Variants in PPP4R3B observed in about 807,000 individuals in gnomAD.
PPP4R3B encodes serine/threonine-protein phosphatase 4 regulatory subunit 3B.
Under a neutral mutation model 95.4 loss-of-function variants are expected in PPP4R3B, and 52 were observed. The observed-to-expected ratio is 0.54, with a 90% CI of 0.44 to 0.69. The LOEUF is 0.69. Among genes scored for constraint, PPP4R3B ranks in the 30% least tolerant of loss-of-function variants. The pLI is 0.00. For missense variants in PPP4R3B, 1,003 were observed against 1,005.9 expected (o/e 1.00, Z 0.04); for synonymous variants, 407 against 343.9 (o/e 1.18, Z -2.03).
chr2:55,563,616 C>T (rs1435322418), intron 15 of PPP4R3B, among the ~76,000 whole-genome samples: 1 of 152,118 alleles, frequency 6.6e-6, no homozygotes, highest in Non-Finnish European at 1.5e-5. Context: ...TCAAATGATC[C>T]ACCTGCCTCA....
chr2:55,601,433 T>G (rs1032170577), intron 3 of PPP4R3B, among the ~76,000 whole-genome samples: 1 of 151,016 alleles, frequency 6.6e-6, no homozygotes, highest in Non-Finnish European at 1.5e-5. Flanking sequence ...CAGGCTGGAG[T>G]GCAATGGCGC....
chr2:55,562,697 G>C (rs1216728774), intron 15 of PPP4R3B, among the ~76,000 whole-genome samples: 1 of 152,124 alleles, frequency 6.6e-6, no homozygotes, highest in Non-Finnish European at 1.5e-5. Flanking sequence ...TAGAATCTTA[G>C]AAATCTCAGT....
chr2:55,586,791 T>A (rs780034993), intron 5 of PPP4R3B, 57 bp from the exon 6 acceptor site: 14 of 1,014,194 alleles, frequency 1.4e-5, no homozygotes, highest in Non-Finnish European at 1.7e-5. Context: ...GGGCACACTA[T>A]AGTAATCATC....
At chr2:55,612,780 TA>T (rs1229802100) in intron 2 of PPP4R3B, among the ~76,000 whole-genome samples, 2 of 151,730 alleles carry the variant, frequency 1.3e-5, no homozygotes, top group South Asian at 2.1e-4. Flanking sequence ...CCATCTCTAC[TA>T]AAAAATACAA....
At chr2:55,612,754 C>A (rs1286503123) in intron 2 of PPP4R3B, among the ~76,000 whole-genome samples, 6 of 151,978 alleles carry the variant, frequency 3.9e-5, no homozygotes, top group African/African-American at 1.5e-4. Flanking sequence ...ACCATTCTGG[C>A]TAACACGGTG....
rs370441018 is a variant in PPP4R3B at position 55,607,825 on chromosome 2, C to G, written c.199-3749G>C. On this transcript the variant is annotated intron_variant, in intron 2 of 16. Coordinates refer to ENST00000616407, the MANE Select transcript of PPP4R3B (RefSeq NM_001122964.3). ...CTAGATCTATAGATAGTACTATCTA[C>G]AGTCAGGTCAATGGATATTACTAAC... Among the ~76,000 whole-genome samples the G allele has an allele frequency of 1.8e-4, 28 of 152,300 alleles. No individual in the cohort carries two copies. In the East Asian group the frequency reaches 3.1e-3, roughly 17 times the overall value.
At chr2:55,586,916 T>G (rs1300622201) in intron 5 of PPP4R3B, among the ~76,000 whole-genome samples, 182 bp from the exon 6 acceptor site, 1 of 152,176 alleles carries the variant, frequency 6.6e-6, no homozygotes, top group Non-Finnish European at 1.5e-5. Context: ...AAGTAAACCT[T>G]GCATTACTGG....
In PPP4R3B at chr2:55,617,337, C is replaced by A. The variant is rs1246540996; in HGVS notation, c.-52G>T. On this transcript the variant is annotated 5_prime_UTR_variant, in exon 1 of 17. Transcript: ENST00000616407. ...CCGCCGCCTCCTCGCTTACCTCGTCCGCGCTCCTCACTCTTAGGAGACGGT... is the reference window on the plus strand; with the variant it reads ...CCGCCGCCTCCTCGCTTACCTCGTCAGCGCTCCTCACTCTTAGGAGACGGT... The A allele has an allele frequency of 1.3e-6, 2 of 1,523,064 alleles. No homozygotes were observed. The highest frequency in any genetic ancestry group is 1.8e-6 in the Non-Finnish European group (2 of 1,130,372). 94.3% of individuals were successfully genotyped at this position (1,523,064 alleles called of 1,614,324 possible).
chr2:55,555,625 A>G (rs1685751687), intron 16 of PPP4R3B, among the ~76,000 whole-genome samples: 1 of 152,232 alleles, frequency 6.6e-6, no homozygotes, highest in Non-Finnish European at 1.5e-5. Context: ...TGCACATTCT[A>G]TACAGAAATA....
At chr2:55,592,546 A>T (rs1691182302) in intron 4 of PPP4R3B, among the ~76,000 whole-genome samples, 1 of 152,160 alleles carries the variant, frequency 6.6e-6, no homozygotes, top group Non-Finnish European at 1.5e-5. Flanking sequence ...GTATCTGAAG[A>T]TTTTACATAC....
At chr2:55,595,895 A>T (rs1691702823) in intron 4 of PPP4R3B, among the ~76,000 whole-genome samples, 2 of 152,248 alleles carry the variant, frequency 1.3e-5, no homozygotes, top group Non-Finnish European at 2.9e-5. Flanking sequence ...CAATAAACTT[A>T]GTGAATGATA....
chr2:55,594,304 A>T (rs1021151479), intron 4 of PPP4R3B, among the ~76,000 whole-genome samples: 37 of 19,722 alleles, frequency 1.9e-3, no homozygotes, highest in Non-Finnish European at 5.1e-3. Context: ...ATCTAAAATA[A>T]AAAAAAAAAA....
intron 5 of PPP4R3B, among the ~76,000 whole-genome samples, chr2:55,587,273 T>C (rs1213691594): frequency 6.6e-6 from 1 of 152,268 alleles, no homozygotes; most frequent in Non-Finnish European, 1.5e-5. Flanking sequence ...GGTTTTGAGG[T>C]GCCAGGATAC....
At chr2:55,553,233 T>G (rs1257117334) in intron 16 of PPP4R3B, among the ~76,000 whole-genome samples, 2 of 152,240 alleles carry the variant, frequency 1.3e-5, no homozygotes, top group Admixed American at 6.5e-5. Flanking sequence ...TTAAATTTTG[T>G]ATACTGAGCA....
intron 1 of PPP4R3B, 79 bp from the exon 2 acceptor site, chr2:55,615,585 G>A: frequency 2.0e-6 from 2 of 990,016 alleles, no homozygotes; most frequent in Non-Finnish European, 1.5e-6. Context: ...ATTAAAGCCG[G>A]GCGCAGTGGC....
chr2:55,612,219 T>G (rs982845823), intron 2 of PPP4R3B, among the ~76,000 whole-genome samples: 1 of 152,084 alleles, frequency 6.6e-6, no homozygotes, highest in Non-Finnish European at 1.5e-5. Flanking sequence ...CTGGGCATCA[T>G]AGCAAGATCC....
chr2:55,593,878 A>T (rs1177909447), intron 4 of PPP4R3B, among the ~76,000 whole-genome samples: 7 of 152,258 alleles, frequency 4.6e-5, no homozygotes, highest in African/African-American at 1.7e-4. Context: ...TGATCGCAGC[A>T]CTATTCATGA....
intron 4 of PPP4R3B, among the ~76,000 whole-genome samples, chr2:55,589,976 T>A (rs1358630172): frequency 6.9e-6 from 1 of 144,392 alleles, no homozygotes; most frequent in Non-Finnish European, 1.5e-5. Context: ...TATTTATATA[T>A]ATATTTAATA....
chr2:55,608,784 A>T (rs1693764030), intron 2 of PPP4R3B, among the ~76,000 whole-genome samples: 1 of 152,160 alleles, frequency 6.6e-6, no homozygotes, highest in Non-Finnish European at 1.5e-5. Flanking sequence ...AGGAGTTTGA[A>T]ACCAGCCTGG....
Sources: gnomAD v4.1 joint callset for allele counts (sites outside exome capture counted in the v4.1 genomes callset) on GRCh38, gnomAD v4.1.1 for gene constraint, MANE v1.5 for transcripts, NCBI Gene and HGNC (gene_info 2026-07-23, HGNC 2026-07-21) for gene names.